The following SIPA1L2 variants were observed in gnomAD, a reference collection of about 807,000 sequenced individuals.
The protein encoded by SIPA1L2 is signal-induced proliferation-associated 1-like protein 2.
A neutral mutation model predicts 163.9 loss-of-function variants in SIPA1L2; 56 were observed. The observed-to-expected ratio is 0.34, with a 90% CI of 0.28 to 0.43. SIPA1L2 has a LOEUF of 0.43. Among genes scored for constraint, SIPA1L2 ranks in the 20% least tolerant of loss-of-function variants. The pLI is 1.00. For missense variants in SIPA1L2, 1,974 were observed against 2,193.5 expected, an observed-to-expected ratio of 0.90 and a Z score of 2.00; for synonymous variants, 877 against 865.7, an observed-to-expected ratio of 1.01 and a Z score of -0.23.
chr1:232,567,144 G>T (rs1321684856), intron 2 of SIPA1L2, among the ~76,000 whole-genome samples: 7 of 152,100 alleles, frequency 4.6e-5, no homozygotes, highest in Non-Finnish European at 1.0e-4. Flanking sequence ...ATGACCCTTA[G>T]GCAAATCACA....
chr1:232,456,431 A>G (rs937794787), intron 10 of SIPA1L2, among the ~76,000 whole-genome samples: 5 of 152,226 alleles, frequency 3.3e-5, no homozygotes, highest in Admixed American at 6.5e-5. Flanking sequence ...AACATGAGAA[A>G]ATTTCCACTG....
chr1:232,577,532 C>A (rs1558281332), intron 1 of SIPA1L2, among the ~76,000 whole-genome samples: 1 of 152,080 alleles, frequency 6.6e-6, no homozygotes, highest in Non-Finnish European at 1.5e-5. Context: ...TCTGGTGGAT[C>A]TGGGCAAAGT....
chr1:232,594,844 T>C (rs1384290471), intron 1 of SIPA1L2, among the ~76,000 whole-genome samples: 1 of 152,196 alleles, frequency 6.6e-6, no homozygotes, highest in Non-Finnish European at 1.5e-5. Context: ...ACCTCAGGTC[T>C]CAGGCAGGCC....
At chr1:232,520,684 A>C (rs2103059095) in intron 2 of SIPA1L2, among the ~76,000 whole-genome samples, 1 of 152,322 alleles carries the variant, frequency 6.6e-6, no homozygotes, top group South Asian at 2.1e-4. Context: ...CTATAGTAAA[A>C]AAAATGCTTA....
At chr1:232,457,020 C>T (rs1663958371) in intron 10 of SIPA1L2, among the ~76,000 whole-genome samples, 1 of 152,168 alleles carries the variant, frequency 6.6e-6, no homozygotes, top group Non-Finnish European at 1.5e-5. Flanking sequence ...CTCTGACTTC[C>T]CTTCACGCTG....
intron 10 of SIPA1L2, among the ~76,000 whole-genome samples, chr1:232,456,120 G>A (rs531958059): frequency 1.3e-5 from 2 of 152,084 alleles, no homozygotes. Flanking sequence ...AGAAAAAAAA[G>A]TCTGCTTTGT....
chr1:232,584,292 T>G (rs1334849440), intron 1 of SIPA1L2, among the ~76,000 whole-genome samples: 9 of 152,214 alleles, frequency 5.9e-5, no homozygotes, highest in Admixed American at 5.9e-4. Flanking sequence ...TGGTGCGATC[T>G]CTGCTCACTG....
intron 1 of SIPA1L2, among the ~76,000 whole-genome samples, chr1:232,625,054 T>C (rs1351327607): frequency 6.6e-6 from 1 of 152,226 alleles, no homozygotes; most frequent in African/African-American, 2.4e-5. Context: ...TGCTCGTTAC[T>C]AGGGACACAC....
Position 232,441,411 on chromosome 1 carries a change from G to C in SIPA1L2, c.3539-17C>G, listed in dbSNP as rs1480150279. ...ATTTGGTTTCTGTCACATAAAAAGA[G>C]AGGAGTTGAATTTCCAATTTCCAGT... On this transcript the variant is annotated splice_polypyrimidine_tract_variant and intron_variant, in intron 13 of 22. Coordinates refer to ENST00000674635, the MANE Select transcript of SIPA1L2 (RefSeq NM_020808.5). The C allele has an allele frequency of 6.3e-7, 1 of 1,588,098 alleles. No individual in the cohort carries two copies. The highest frequency in any genetic ancestry group is 8.6e-7 in the Non-Finnish European group (1 of 1,166,336).
At chr1:232,500,005 T>C (rs1666385188) in intron 3 of SIPA1L2, among the ~76,000 whole-genome samples, 1 of 151,428 alleles carries the variant, frequency 6.6e-6, no homozygotes, top group South Asian at 2.1e-4. Flanking sequence ...TGAGACGGAG[T>C]CTCGCTCTGT....
intron 2 of SIPA1L2, among the ~76,000 whole-genome samples, chr1:232,526,555 C>T (rs1667717307): frequency 6.6e-6 from 1 of 152,188 alleles, no homozygotes; most frequent in Admixed American, 6.5e-5. Context: ...AGGCGGAGCT[C>T]AGGCAGTAAT....
intron 2 of SIPA1L2, among the ~76,000 whole-genome samples, chr1:232,530,281 T>C (rs143488433): frequency 6.6e-6 from 1 of 151,958 alleles, no homozygotes; most frequent in Non-Finnish European, 1.5e-5. Flanking sequence ...GCCCGGCTAA[T>C]TTTTTTGTAT....
rs5781699 is a variant in SIPA1L2 at position 232,487,919 on chromosome 1, T to TACACAC, written c.1806+2949_1806+2954dup. 4.4e-3 allele frequency among the ~76,000 whole-genome samples: 629 copies of TACACAC among 144,288 alleles called. 2 individuals carry two copies. Among genetic ancestry groups the TACACAC allele is most frequent in the African/African-American group, 0.013 (506 of 39,140 alleles). The allele number at this position is 144,288 out of a possible 152,430, so 94.7% of individuals were successfully genotyped here. On this transcript the variant is annotated intron_variant, in intron 5 of 22. Coordinates refer to ENST00000674635, the MANE Select transcript of SIPA1L2 (RefSeq NM_020808.5). Reference sequence around the variant, plus strand: ...AAACTAACAATATATGTAATTAGGTTACACACACACACACACACACACACA... The same window carrying TACACAC: ...AAACTAACAATATATGTAATTAGGTTACACACACACACACACACACACACACACACA...
chr1:232,420,520 G>A (rs187574112), intron 18 of SIPA1L2, among the ~76,000 whole-genome samples: 72 of 152,062 alleles, frequency 4.7e-4, no homozygotes, highest in African/African-American at 1.5e-3. Context: ...TCAGGAGCCC[G>A]TACAACTCTT....
At chr1:232,498,648 C>T (rs1487305040) in intron 3 of SIPA1L2, among the ~76,000 whole-genome samples, 1 of 152,172 alleles carries the variant, frequency 6.6e-6, no homozygotes, top group Non-Finnish European at 1.5e-5. Flanking sequence ...GCTCATGGCC[C>T]TTCCTCCATC....
Position 232,515,609 on chromosome 1 carries a change from C to A in SIPA1L2, c.-269-1G>T. On this transcript the variant is annotated splice_acceptor_variant, in intron 2 of 22. Coordinates refer to ENST00000674635, the MANE Select transcript of SIPA1L2 (RefSeq NM_020808.5). LOFTEE classifies it low-confidence loss of function (5UTR_SPLICE). ...GGCTGGTCATGAGTATTTCCTTCAC[C>A]TGAATTAAGAGATAGGAAGTAGCCA... 1 of 394,454 alleles carries A rather than the reference C, an allele frequency of 2.5e-6. No individual in the cohort carries two copies. Among genetic ancestry groups the A allele is most frequent in the East Asian group, 4.0e-5 (1 of 24,980 alleles). The allele number at this position is 394,454 out of a possible 1,614,324, so 24.4% of individuals were successfully genotyped here. A position where few individuals can be genotyped will look rare whatever the true frequency, so the allele number is the denominator to read the frequency against.
At position 232,465,495 on chromosome 1, in the gene SIPA1L2, TACACAC is replaced by T; in HGVS notation, c.2244-85_2244-80del. On this transcript the variant is annotated intron_variant, in intron 8 of 22. Coordinates refer to ENST00000674635, the MANE Select transcript of SIPA1L2 (RefSeq NM_020808.5). The surrounding 1 kb of genome is among the most constrained non-coding windows in gnomAD (Gnocchi z 4.1). ...TATCTTTCCGAATTTGACATATATA[TACACAC>T]ACACACACATATACATACACACACA... The T allele has an allele frequency of 9.4e-7, 1 of 1,065,648 alleles. No homozygotes were observed. The highest frequency in any genetic ancestry group is 2.3e-5 in the Admixed American group (1 of 43,780). 66.0% of individuals were successfully genotyped at this position (1,065,648 alleles called of 1,614,324 possible). A position where few individuals can be genotyped will look rare whatever the true frequency, so the allele number is the denominator to read the frequency against.
intron 19 of SIPA1L2, among the ~76,000 whole-genome samples, chr1:232,410,066 C>T (rs1205615921): frequency 1.3e-5 from 2 of 151,974 alleles, no homozygotes; most frequent in East Asian, 3.9e-4. Context: ...ACATTTATCC[C>T]TTTTTTTCTT....
At chr1:232,522,963 C>T (rs1303677961) in intron 2 of SIPA1L2, among the ~76,000 whole-genome samples, 2 of 152,160 alleles carry the variant, frequency 1.3e-5, no homozygotes, top group African/African-American at 4.8e-5. Context: ...TAACTGACTG[C>T]AGTGTTTAAG....
Sources: gnomAD v4.1 joint callset for allele counts (sites outside exome capture counted in the v4.1 genomes callset) on GRCh38, gnomAD v4.1.1 for gene constraint, Gnocchi (gnomAD v3.1) non-coding constraint, MANE v1.5 for transcripts, NCBI Gene and HGNC (gene_info 2026-07-23, HGNC 2026-07-21) for gene names.